Variants in LINGO2 observed in about 807,000 individuals in gnomAD.
LINGO2 encodes the protein leucine-rich repeat and immunoglobulin-like domain-containing nogo receptor-interacting protein 2.
Under a neutral mutation model 30.6 loss-of-function variants are expected in LINGO2, and 14 were observed. That is an observed-to-expected ratio of 0.46 (90% CI 0.30 to 0.72). The LOEUF (loss-of-function observed/expected upper bound fraction) is 0.72. Among genes scored for constraint, LINGO2 ranks in the 30% least tolerant of loss-of-function variants. LINGO2 has a pLI of 0.07. For missense variants in LINGO2, 729 were observed against 751.7 expected (o/e 0.97, Z 0.35); for synonymous variants, 317 against 288.5 (o/e 1.10, Z -1.00).
rs567676984 is a variant in LINGO2, at chr9:28,604,215, C to G, written c.-365+65985G>C. Among the ~76,000 whole-genome samples the G allele has an allele frequency of 2.6e-5, 4 of 152,094 alleles. No homozygotes were observed. The East Asian group carries it at 7.7e-4, about 29-fold the overall frequency. ...AGTCCTACAGTTCAAAATGCATACCCAGGCACTACAGTGTTAGGCAATAGT... is the reference window on the plus strand; with the variant it reads ...AGTCCTACAGTTCAAAATGCATACCGAGGCACTACAGTGTTAGGCAATAGT... On this transcript the variant is annotated intron_variant, in intron 1 of 5. Transcript: ENST00000379992.
the LINGO2 span, among the ~76,000 whole-genome samples, chr9:28,834,702 T>C: frequency 3.3e-5 from 5 of 152,160 alleles, no homozygotes; most frequent in South Asian, 1.0e-3. Context: ...CACTAACTGG[T>C]CTTGAAGATT....
At chr9:29,169,317 G>A in the LINGO2 span, among the ~76,000 whole-genome samples, 1 of 152,108 alleles carries the variant, frequency 6.6e-6, no homozygotes, top group Admixed American at 6.6e-5. Flanking sequence ...AATAATCTTA[G>A]TAAGAGGCAA....
rs1820162174 is a variant in LINGO2 at position 28,355,467 on chromosome 9, A to C, written c.-246+17369T>G. On this transcript the variant is annotated intron_variant, in intron 3 of 5. Transcript: ENST00000379992. The stretch of plus-strand genomic sequence containing the variant: ...ATAACATTCGCCCCCTAAAGTGCTG[A>C]ACATTTTTGTATTCTGTAACTAAAT... Among the ~76,000 whole-genome samples, 3 of 150,382 alleles carry C rather than the reference A, an allele frequency of 2.0e-5. No individual in the cohort carries two copies. The South Asian group carries it at 6.3e-4, about 32-fold the overall frequency.
the LINGO2 span, among the ~76,000 whole-genome samples, chr9:28,690,260 A>G: frequency 6.6e-6 from 1 of 152,082 alleles, no homozygotes; most frequent in African/African-American, 2.4e-5. Flanking sequence ...AAAAACAAAC[A>G]AACAAAAAAA....
At chr9:28,851,745 C>T in the LINGO2 span, among the ~76,000 whole-genome samples, 12 of 152,000 alleles carry the variant, frequency 7.9e-5, no homozygotes, top group African/African-American at 2.9e-4. Flanking sequence ...TTATAACCCT[C>T]ATTGAAGGGA....
At chr9:28,257,384 T>C (rs1299096637) in intron 4 of LINGO2, among the ~76,000 whole-genome samples, 1 of 151,910 alleles carries the variant, frequency 6.6e-6, no homozygotes, top group Non-Finnish European at 1.5e-5. Context: ...CAGAAGACCA[T>C]TCCAGTCCGC....
chr9:28,288,726 G>C (rs1423437864), intron 4 of LINGO2, among the ~76,000 whole-genome samples: 1 of 152,166 alleles, frequency 6.6e-6, no homozygotes, highest in Non-Finnish European at 1.5e-5. Context: ...TTTTTCATGA[G>C]GGAATCAGCT....
At chr9:28,736,766 G>T in the LINGO2 span, among the ~76,000 whole-genome samples, 1 of 152,016 alleles carries the variant, frequency 6.6e-6, no homozygotes, top group Non-Finnish European at 1.5e-5. Context: ...CTCCAGCCTG[G>T]GCAACAAGAG....
At chr9:29,143,065 T>C in the LINGO2 span, among the ~76,000 whole-genome samples, 2 of 151,860 alleles carry the variant, frequency 1.3e-5, no homozygotes, top group Non-Finnish European at 2.9e-5. Flanking sequence ...AAAAGTAAAA[T>C]ATTTAGGAAT....
At chr9:29,001,097 G>GTGTT in the LINGO2 span, among the ~76,000 whole-genome samples, 5 of 151,732 alleles carry the variant, frequency 3.3e-5, no homozygotes, top group Non-Finnish European at 7.4e-5. Context: ...TTGTATGTGT[G>GTGTT]TGTGTGTGAA....
the LINGO2 span, among the ~76,000 whole-genome samples, chr9:28,954,342 C>A: frequency 3.7e-3 from 562 of 152,252 alleles, 2 homozygotes; most frequent in African/African-American, 0.013. Context: ...CTTCAGTTTG[C>A]AGCAAATGTG....
intron 2 of LINGO2, among the ~76,000 whole-genome samples, chr9:28,439,394 C>A (rs868217095): frequency 6.6e-6 from 1 of 151,960 alleles, no homozygotes; most frequent in African/African-American, 2.4e-5. Flanking sequence ...TATTGTGTGA[C>A]TCTGTTCCCC....
intron 5 of LINGO2, among the ~76,000 whole-genome samples, chr9:28,010,260 A>G (rs528696703): frequency 4.3e-4 from 65 of 152,256 alleles, no homozygotes; most frequent in African/African-American, 1.5e-3. Flanking sequence ...TTAGCATTAA[A>G]TTTTCTTTTT....
the LINGO2 span, among the ~76,000 whole-genome samples, chr9:28,707,595 T>TAGTG: frequency 7.2e-5 from 11 of 152,260 alleles, no homozygotes; most frequent in Admixed American, 5.9e-4. Context: ...TGTCTCACAC[T>TAGTG]ATCTGTTTCA....
chr9:28,260,972 G>C (rs906419684), intron 4 of LINGO2, among the ~76,000 whole-genome samples: 3 of 151,892 alleles, frequency 2.0e-5, no homozygotes, highest in African/African-American at 7.2e-5. Flanking sequence ...TGGTCTGTGT[G>C]CTTAAAGATT....
chr9:28,257,873 C>T (rs994314702), intron 4 of LINGO2, among the ~76,000 whole-genome samples: 1 of 151,820 alleles, frequency 6.6e-6, no homozygotes, highest in African/African-American at 2.4e-5. Flanking sequence ...TATTCTAGAG[C>T]CCATGTAACA....
chr9:28,265,378 T>G (rs1045337724), intron 4 of LINGO2, among the ~76,000 whole-genome samples: 2 of 151,950 alleles, frequency 1.3e-5, no homozygotes, highest in African/African-American at 4.8e-5. Flanking sequence ...GCCCCTCCTG[T>G]TAGTCAGAAT....
chr9:28,231,470 T>C (rs932168378), intron 4 of LINGO2, among the ~76,000 whole-genome samples: 1 of 152,070 alleles, frequency 6.6e-6, no homozygotes, highest in Non-Finnish European at 1.5e-5. Context: ...AAATGTTTAA[T>C]TTTTTAAAAG....
chr9:28,849,560 A>G, the LINGO2 span, among the ~76,000 whole-genome samples: 1 of 152,050 alleles, frequency 6.6e-6, no homozygotes, highest in African/African-American at 2.4e-5. Context: ...GTCCATAATT[A>G]ACAGAGGAAG....
Sources: gnomAD v4.1 joint callset for allele counts (sites outside exome capture counted in the v4.1 genomes callset) on GRCh38, gnomAD v4.1.1 for gene constraint, MANE v1.5 for transcripts, NCBI Gene and HGNC (gene_info 2026-07-23, HGNC 2026-07-21) for gene names.